The following CLMN variants were observed in gnomAD, a reference collection of about 807,000 sequenced individuals.
CLMN encodes the protein calmin (calponin-like, transmembrane).
In CLMN, 57 loss-of-function variants were observed where a neutral mutation model predicts 92.7. The ratio of observed to expected loss-of-function variants is 0.61; its 90% CI spans 0.50 to 0.77. CLMN has a LOEUF of 0.77. CLMN is among the 30% of genes least tolerant of loss of function. The pLI is 0.00. For synonymous variants in CLMN, 466 were observed against 470.6 expected (o/e 0.99, Z 0.13); for missense variants, 1,158 against 1,237.5 (o/e 0.94, Z 0.96).
chr14:95,310,480 A>G (rs1008521526), intron 1 of CLMN, among the ~76,000 whole-genome samples: 2 of 152,230 alleles, frequency 1.3e-5, no homozygotes, highest in African/African-American at 4.8e-5. Context: ...TCACTTAATC[A>G]TATCTGCCAA....
At chr14:95,221,836 A>T (rs1272812800) in intron 3 of CLMN, 62 bp from the exon 4 acceptor site, 2 of 1,482,678 alleles carry the variant, frequency 1.3e-6, no homozygotes, top group African/African-American at 2.8e-5. Flanking sequence ...CCCAACACCC[A>T]GCGGTGCTGC....
In CLMN at chr14:95,194,282, C is replaced by G. The variant is rs557333162; in HGVS notation, c.2769+254G>C. ...GGGTGCGCGCGGGGTCCAGGTGAGG[C>G]GTTTTGGGTGCGTTTTTATAGCAAG... is the stretch of plus-strand genomic sequence containing the variant. On this transcript the variant is annotated intron_variant, in intron 11 of 12. Coordinates refer to ENST00000298912, the MANE Select transcript of CLMN (RefSeq NM_024734.4). This position sits in a 1 kb window ranked among gnomAD's most constrained non-coding sequence, Gnocchi z 4.0. 181 of 1,405,758 alleles carry G rather than the reference C, an allele frequency of 1.3e-4. 1 individual carries two copies. Among genetic ancestry groups the G allele is most frequent in the Middle Eastern group, 7.9e-4 (3 of 3,782 alleles). 87.1% of individuals were successfully genotyped at this position (1,405,758 alleles called of 1,614,324 possible). A position where few individuals can be genotyped will look rare whatever the true frequency, so the allele number is the denominator to read the frequency against.
rs1203734473 is a variant in CLMN, at chr14:95,186,047, G to C, written c.*5517C>G. 1 of 152,248 alleles carries C rather than the reference G, an allele frequency of 6.6e-6. No homozygotes were observed. Among genetic ancestry groups the C allele is most frequent in the African/African-American group, 2.4e-5 (1 of 41,466 alleles). The allele number at this position is 152,248 out of a possible 1,614,324, so 9.4% of individuals were successfully genotyped here. ...ATGGTGGGTAGGGAGGTTAGCTTCA[G>C]CAGCTGAGGCTGTGGTTTTGTAGTA... On this transcript the variant is annotated 3_prime_UTR_variant, in exon 13 of 13. Transcript: ENST00000298912.
In CLMN at chr14:95,191,705, C is replaced by T. The variant is rs1896566829; in HGVS notation, c.2868G>A (p.Met956Ile). The T allele has an allele frequency of 6.2e-7, 1 of 1,611,652 alleles. No individual in the cohort carries two copies. Among genetic ancestry groups the T allele is most frequent in the Non-Finnish European group, 8.5e-7 (1 of 1,179,490 alleles). ...TRKANSSGEA[M>I]SLGSHSPQSD... is the part of the protein sequence containing the mutation. ...TCTGCGGGCTGTGGCTCCCCAGTGA[C>T]ATGGCTTCTCCTGAGCTGTTGGCCT... Residue 956 changes from methionine to isoleucine, a missense_variant, in exon 13 of 13, where the codon ATG becomes ATA. Physicochemically the swap from Met to Ile is conservative, Grantham distance 10. Transcript: ENST00000298912. This position sits in a 1 kb window ranked among gnomAD's most constrained non-coding sequence, Gnocchi z 5.3.
At position 95,274,814 on chromosome 14, in the gene CLMN, A is replaced by G. The variant is rs563749907; in HGVS notation, c.83-44681T>C. On this transcript the variant is annotated intron_variant, in intron 1 of 12. Coordinates refer to ENST00000298912, the MANE Select transcript of CLMN (RefSeq NM_024734.4). ...GCCAACAAGGTGAAACCCTGTCTCT[A>G]CTAAAAATACAAAAATTAGCTGGGC... Among the ~76,000 whole-genome samples, 3 of 152,242 alleles carry G rather than the reference A, an allele frequency of 2.0e-5. No homozygotes were observed. In the South Asian group the frequency reaches 6.2e-4, roughly 32 times the overall value.
At position 95,203,878 on chromosome 14, in the gene CLMN, CAGCG is replaced by C; in HGVS notation, c.1467_1470del (p.Ala490ValfsTer22). On this transcript the variant is annotated frameshift_variant, in exon 9 of 13. Transcript: ENST00000298912. LOFTEE classifies it high-confidence loss of function. ...GTGCCCTCCACCAAAAAAATGTCAC[CAGCG>C]ACCTTGTCAGAGGAGGATTCTGGAA... 6.2e-7 allele frequency: 1 copy of C among 1,614,142 alleles called. No homozygotes were observed. Among genetic ancestry groups the C allele is most frequent in the Non-Finnish European group, 8.5e-7 (1 of 1,180,020 alleles).
intron 1 of CLMN, among the ~76,000 whole-genome samples, chr14:95,319,303 T>TCACACACACACACACA (rs60670197): frequency 6.9e-6 from 1 of 144,108 alleles, no homozygotes; most frequent in Non-Finnish European, 1.5e-5. Flanking sequence ...GTGCGCGAAC[T>TCACACACACACACACA]CACACACACA....
At chr14:95,220,513 G>A (rs1897501526) in intron 4 of CLMN, among the ~76,000 whole-genome samples, 1 of 152,206 alleles carries the variant, frequency 6.6e-6, no homozygotes, top group Non-Finnish European at 1.5e-5. Flanking sequence ...TTGTCCGTGG[G>A]TGGACAGGCG....
rs890250483 is a variant in CLMN at position 95,188,697 on chromosome 14, C to A, written c.*2867G>T. 33 of 151,930 alleles carry A rather than the reference C, an allele frequency of 2.2e-4. 1 individual carries two copies. Among genetic ancestry groups the A allele is most frequent in the Admixed American group, 2.0e-3 (30 of 15,260 alleles). The allele number at this position is 151,930 out of a possible 1,614,324, so 9.4% of individuals were successfully genotyped here. On this transcript the variant is annotated 3_prime_UTR_variant, in exon 13 of 13. Transcript: ENST00000298912. ...ACAACACCATCATGACAGTTCAGAA[C>A]ACCAAGAATAAAGAGATCTTAAATG...
intron 1 of CLMN, among the ~76,000 whole-genome samples, chr14:95,298,272 G>C (rs1486202564): frequency 6.6e-6 from 1 of 151,972 alleles, no homozygotes; most frequent in Non-Finnish European, 1.5e-5. Context: ...AGAAGAGCCT[G>C]TTCTCTCCCT....
chr14:95,210,852 C>A lies in CLMN; in HGVS notation c.636G>T (p.Ala212=). The A allele has an allele frequency of 1.3e-6, 2 of 1,554,926 alleles. No homozygotes were observed. The highest frequency in any genetic ancestry group is 1.7e-6 in the Non-Finnish European group (2 of 1,157,734). Residue 212 remains alanine, a synonymous_variant, in exon 7 of 13, where the codon GCG becomes GCT. Coordinates refer to ENST00000298912, the MANE Select transcript of CLMN (RefSeq NM_024734.4). ...AAGCCAGCCCACTCCTCCAACTGCCCGCAAAGTCCTGCACCGCCACGCCAT... is the reference window on the plus strand; with the variant it reads ...AAGCCAGCCCACTCCTCCAACTGCCAGCAAAGTCCTGCACCGCCACGCCAT... The part of the protein sequence containing the change: ...RKYGVAVQDF[A]GSWRSGLAFL...
chr14:95,213,416 G>A lies in CLMN; in HGVS notation c.418-7C>T. ...TGCCTGTGAGCTCCTTAATCTGGAA[G>A]GAAAATGGCATTTCAGACCCCAGCA... On this transcript the variant is annotated splice_region_variant and splice_polypyrimidine_tract_variant and intron_variant, in intron 5 of 12. Transcript: ENST00000298912. 6.3e-7 allele frequency: 1 copy of A among 1,594,026 alleles called. No individual in the cohort carries two copies. The highest frequency in any genetic ancestry group is 2.3e-5 in the East Asian group (1 of 44,280).
At chr14:95,261,596 T>C (rs886762629) in intron 1 of CLMN, among the ~76,000 whole-genome samples, 2 of 152,220 alleles carry the variant, frequency 1.3e-5, no homozygotes, top group East Asian at 1.9e-4. Context: ...AATACACTTA[T>C]CAGGGAATGG....
chr14:95,215,728 T>C lies in CLMN; in HGVS notation c.330A>G (p.Lys110=). 6 of 1,613,896 alleles carry C rather than the reference T, an allele frequency of 3.7e-6. No homozygotes were observed. Among genetic ancestry groups the C allele is most frequent in the Non-Finnish European group, 5.1e-6 (6 of 1,179,858 alleles). The change falls in exon 5 of 13, where the codon AAA becomes AAG. Residue 110 remains lysine, a synonymous_variant. Coordinates refer to ENST00000298912, the MANE Select transcript of CLMN (RefSeq NM_024734.4). ...ALKFLEDSNV[K]LVSIDAAEIA... ...TTTCTGCTGCATCAATGCTAACCAG[T>C]TTTACCTGGAGGGAAGCAATTTATG...
intron 8 of CLMN, among the ~76,000 whole-genome samples, chr14:95,207,550 C>T (rs911947007): frequency 6.6e-6 from 1 of 152,238 alleles, no homozygotes; most frequent in African/African-American, 2.4e-5. Context: ...AGGCACAGTA[C>T]TAGGTACTTC....
At chr14:95,297,330 G>A (rs1320652291) in intron 1 of CLMN, among the ~76,000 whole-genome samples, 3 of 152,194 alleles carry the variant, frequency 2.0e-5, no homozygotes, top group Non-Finnish European at 4.4e-5. Flanking sequence ...GAGATTCCCA[G>A]CTCGCTAGTG....
chr14:95,203,939 C>T lies in CLMN; in HGVS notation c.1410G>A (p.Glu470=). 6.2e-7 allele frequency: 1 copy of T among 1,614,190 alleles called. No homozygotes were observed. The highest frequency in any genetic ancestry group is 1.3e-5 in the African/African-American group (1 of 75,032). ...DGHVLAVEVA[E]EKEQKQESSK... ...AGGATTCCTGTTTCTGTTCCTTTTC[C>T]TCAGCAACCTCAACTGCCAAGACAT... The change falls in exon 9 of 13, where the codon GAG becomes GAA. Residue 470 remains glutamate (E), a synonymous_variant. Coordinates refer to ENST00000298912, the MANE Select transcript of CLMN (RefSeq NM_024734.4).
chr14:95,278,162 A>C (rs1213670285), intron 1 of CLMN, among the ~76,000 whole-genome samples: 1 of 151,930 alleles, frequency 6.6e-6, no homozygotes, highest in African/African-American at 2.4e-5. Flanking sequence ...CCCATAGTTA[A>C]GTCATAACCT....
At chr14:95,247,056 C>T (rs907811763) in intron 1 of CLMN, among the ~76,000 whole-genome samples, 3 of 152,162 alleles carry the variant, frequency 2.0e-5, no homozygotes, top group African/African-American at 4.8e-5. Context: ...AGACAGAATT[C>T]ACAGGCCAGA....
Sources: allele counts gnomAD v4.1 joint callset (sites outside exome capture counted in the v4.1 genomes callset), GRCh38; gene constraint gnomAD v4.1.1; non-coding constraint Gnocchi (gnomAD v3.1); transcripts MANE v1.5; gene names NCBI Gene and HGNC (gene_info 2026-07-23, HGNC 2026-07-21).